The following EIF6 variants were observed in gnomAD, a reference collection of about 807,000 sequenced individuals.
EIF6 encodes B4 integrin interactor.
A neutral mutation model predicts 25.5 loss-of-function variants in EIF6; 10 were observed. That is an observed-to-expected ratio of 0.39 (90% CI 0.24 to 0.66). The LOEUF is 0.66. EIF6 is among the 30% of genes least tolerant of loss of function. The pLI is 0.45. For missense variants in EIF6, 246 were observed against 315.4 expected (o/e 0.78, Z 1.67); for synonymous variants, 122 against 122.6 (o/e 1.00, Z 0.03).
intron 3 of EIF6, among the ~76,000 whole-genome samples, chr20:35,281,377 C>T (rs1256447346): frequency 3.7e-4 from 56 of 150,098 alleles, no homozygotes; most frequent in African/African-American, 1.3e-3. Context: ...CAGAGCGAAA[C>T]TCCGTCTCCA....
chr20:35,281,481 T>C (rs2060775537), intron 3 of EIF6, among the ~76,000 whole-genome samples: 1 of 151,896 alleles, frequency 6.6e-6, no homozygotes, highest in Admixed American at 6.6e-5. Context: ...AGTCTCACTC[T>C]GTCACCCAGG....
intron 3 of EIF6, among the ~76,000 whole-genome samples, chr20:35,283,112 T>C (rs572851923): frequency 4.8e-4 from 72 of 151,436 alleles, no homozygotes; most frequent in African/African-American, 1.7e-3. Context: ...GCCAACATGG[T>C]GAAACTCCAT....
At chr20:35,279,534 C>G (rs926219519) in intron 6 of EIF6, 32 bp downstream of exon 6, 2 of 1,610,326 alleles carry the variant, frequency 1.2e-6, no homozygotes, top group Non-Finnish European at 1.7e-6. Flanking sequence ...AACCCCCAAC[C>G]CTGAGCAGAA....
At chr20:35,283,165 G>A (rs879325776) in intron 3 of EIF6, among the ~76,000 whole-genome samples, 1 of 152,034 alleles carries the variant, frequency 6.6e-6, no homozygotes, top group African/African-American at 2.4e-5. Context: ...GTGGCGGGAT[G>A]CGCCTGTAAT....
intron 6 of EIF6, 132 bp from the exon 7 acceptor site, chr20:35,279,338 A>C: frequency 7.5e-7 from 1 of 1,338,140 alleles, no homozygotes; most frequent in Admixed American, 2.1e-5. Flanking sequence ...CTGCTCTAGT[A>C]TCCTAGCCCT....
chr20:35,284,037 T>G, intron 3 of EIF6, 139 bp downstream of exon 3: 1 of 1,119,696 alleles, frequency 8.9e-7, no homozygotes, highest in South Asian at 1.6e-5. Context: ...TCCTGACGCT[T>G]GGCCTGAGAG....
chr20:35,280,259 G>C, intron 4 of EIF6, 141 bp from the exon 5 acceptor site: 1 of 941,850 alleles, frequency 1.1e-6, no homozygotes, highest in Non-Finnish European at 1.6e-6. Flanking sequence ...CTCACCCAGA[G>C]AAAGGAGGAA....
chr20:35,283,267 CAAG>C, intron 3 of EIF6, among the ~76,000 whole-genome samples: 2 of 149,824 alleles, frequency 1.3e-5, no homozygotes, highest in African/African-American at 4.9e-5. Context: ...GCCTGGGCAA[CAAG>C]AGCGAAAACT....
Position 35,284,766 on chromosome 20 carries a change from T to A in EIF6, c.-46A>T. On this transcript the variant is annotated 5_prime_UTR_variant, in exon 1 of 7. It adds an upstream start codon to the 5' untranslated region. Transcript: ENST00000374450. ...AAGCTCCGCACGCGGCGACTGTACC[T>A]TGGACTCCCTAAAAAGGTTTCCGTT... 2.2e-6 allele frequency: 1 copy of A among 462,296 alleles called. No individual in the cohort carries two copies. The allele number at this position is 462,296 out of a possible 1,614,324, so 28.6% of individuals were successfully genotyped here.
At chr20:35,281,285 C>T (rs1158603763) in intron 3 of EIF6, among the ~76,000 whole-genome samples, 1 of 151,482 alleles carries the variant, frequency 6.6e-6, no homozygotes, top group African/African-American at 2.4e-5. Flanking sequence ...ACTCGGGAGG[C>T]TGAGGCAGGA....
intron 3 of EIF6, among the ~76,000 whole-genome samples, chr20:35,281,040 C>G (rs183538757): frequency 2.2e-4 from 34 of 152,298 alleles, no homozygotes; most frequent in African/African-American, 7.9e-4. Flanking sequence ...CCATCACCAA[C>G]TGGGAGGGAA....
chr20:35,281,399 C>A lies in EIF6; in HGVS notation c.194-570G>T, dbSNP rs530691621. On this transcript the variant is annotated intron_variant, in intron 3 of 6. Coordinates refer to ENST00000374450, the MANE Select transcript of EIF6 (RefSeq NM_002212.4). Reference sequence around the variant, plus strand: ...AAACTCCGTCTCCAAAAAAAAAAAACAAAAAAACAAAAAAAACTGAGCTAA... The same window carrying A: ...AAACTCCGTCTCCAAAAAAAAAAAAAAAAAAAACAAAAAAAACTGAGCTAA... Among the ~76,000 whole-genome samples, 280 of 147,370 alleles carry A rather than the reference C, an allele frequency of 1.9e-3. 1 individual carries two copies. Among genetic ancestry groups the A allele is most frequent in the African/African-American group, 6.9e-3 (274 of 39,526 alleles).
rs1472069887 is a variant in EIF6, at chr20:35,280,820, T to C, written c.203A>G (p.His68Arg). ...IIGRMCVGNRHGLLVPNNTTD... is the reference protein window; with the variant it reads ...IIGRMCVGNRRGLLVPNNTTD... ...GGTATTGTTGGGTACCAGGAGACCG[T>C]GCCTGTTCCCTGGAGAAACCCAAAT... is the stretch of plus-strand genomic sequence containing the variant. Residue 68 changes from histidine to arginine, a missense_variant, in exon 4 of 7, where the codon CAC (histidine) becomes CGC (arginine). By Grantham distance (29) the His-to-Arg change is conservative (BLOSUM62 0). Coordinates refer to ENST00000374450, the MANE Select transcript of EIF6 (RefSeq NM_002212.4). The C allele has an allele frequency of 6.2e-7, 1 of 1,613,942 alleles. No homozygotes were observed. The highest frequency in any genetic ancestry group is 1.3e-5 in the African/African-American group (1 of 75,048).
chr20:35,279,407 G>A (rs2146259122), intron 6 of EIF6, among the ~76,000 whole-genome samples, 159 bp downstream of exon 6: 1 of 152,274 alleles, frequency 6.6e-6, no homozygotes, highest in East Asian at 1.9e-4. Flanking sequence ...GAATATGCTG[G>A]CTCTTATCTG....
Position 35,279,220 on chromosome 20 carries a change from A to C in EIF6, c.729-14T>G, listed in dbSNP as rs1388948494. ...ACTCAGGTGAGGCTGAAGAGAAAGG[A>C]AAGCGCACGGTCAGTAGCTGTTTCA... On this transcript the variant is annotated splice_polypyrimidine_tract_variant and intron_variant, in intron 6 of 6. Transcript: ENST00000374450. The C allele has an allele frequency of 1.2e-6, 2 of 1,613,574 alleles. No homozygotes were observed. Among genetic ancestry groups the C allele is most frequent in the East Asian group, 4.5e-5 (2 of 44,826 alleles).
At chr20:35,283,197 G>A (rs944097751) in intron 3 of EIF6, among the ~76,000 whole-genome samples, 35 of 152,258 alleles carry the variant, frequency 2.3e-4, no homozygotes, top group Admixed American at 1.7e-3. Context: ...GGGAGGCTGA[G>A]GCAGGAGAAT....
chr20:35,282,711 G>C (rs768262836), intron 3 of EIF6, among the ~76,000 whole-genome samples: 2 of 151,390 alleles, frequency 1.3e-5, no homozygotes, highest in Non-Finnish European at 2.9e-5. Context: ...CAGGGTTCAA[G>C]CAATTCTCCC....
Position 35,284,273 on chromosome 20 carries a change from T to G in EIF6, c.108-12A>C, listed in dbSNP as rs150792205. The G allele has an allele frequency of 8.8e-4, 1,421 of 1,613,746 alleles. 16 individuals carry two copies. The highest frequency in any genetic ancestry group is 2.5e-3 in the South Asian group (231 of 91,068). ...CGCCCTCGAACACACTGTAGGGACA[T>G]GGACTCGGTGGTGGCGGGGCAGAGG... On this transcript the variant is annotated splice_polypyrimidine_tract_variant and intron_variant, in intron 2 of 6. Transcript: ENST00000374450.
At chr20:35,279,284 G>C (rs2060748747) in intron 6 of EIF6, 78 bp from the exon 7 acceptor site, 1 of 1,565,456 alleles carries the variant, frequency 6.4e-7, no homozygotes, top group Admixed American at 1.8e-5. Flanking sequence ...GCCTGCCTCA[G>C]CCCTCATCCC....
Sources: gnomAD v4.1 joint callset for allele counts (sites outside exome capture counted in the v4.1 genomes callset) on GRCh38, gnomAD v4.1.1 for gene constraint, MANE v1.5 for transcripts, NCBI Gene and HGNC (gene_info 2026-07-23, HGNC 2026-07-21) for gene names.